Variants in KLHDC9 observed in about 807,000 individuals in gnomAD.
The protein encoded by KLHDC9 is kelch domain-containing protein 9.
Under a neutral mutation model 31.5 loss-of-function variants are expected in KLHDC9, and 26 were observed. That is an observed-to-expected ratio of 0.83 (90% CI 0.61 to 1.15). The LOEUF is 1.15. Among genes scored for constraint, KLHDC9 ranks in the 50% most tolerant of loss-of-function variants. The probability of loss-of-function intolerance (pLI) is 0.00; values close to 1 mark genes in which losing one functional copy is unlikely to be tolerated. For synonymous variants in KLHDC9, 176 were observed against 184.7 expected, an observed-to-expected ratio of 0.95 and a Z score of 0.38; for missense variants, 437 against 467.7, an observed-to-expected ratio of 0.93 and a Z score of 0.61.
At position 161,099,624 on chromosome 1, in the gene KLHDC9, G is replaced by A; in HGVS notation, c.714G>A (p.Leu238=). The change falls in exon 3 of 4, where the codon TTG becomes TTA. Residue 238 remains leucine, a synonymous_variant. Coordinates refer to ENST00000368011, the MANE Select transcript of KLHDC9 (RefSeq NM_152366.5). ...AGGAACCACCTGTTGCTCCTCATTT[G>A]ATGGAACAGCTTGCAAGGCTTGTGA... ...IKEEPPVAPH[L]MEQLARLVSS... The A allele has an allele frequency of 6.2e-7, 1 of 1,614,230 alleles. No individual in the cohort carries two copies. Among genetic ancestry groups the A allele is most frequent in the Non-Finnish European group, 8.5e-7 (1 of 1,180,046 alleles).
rs1266110657 is a variant in KLHDC9 at position 161,100,222 on chromosome 1, T to C, written c.1048T>C (p.Ter350GlnextTer?). The C allele has an allele frequency of 2.5e-6, 4 of 1,613,932 alleles. No homozygotes were observed. The African/African-American group carries it at 5.3e-5, about 22-fold the overall frequency. ...ACAGGTTTGCATCCTGGACTTTATC[T>C]AAATAGTGCCAAGACACATCACTAA... ...SPQVCILDFI[*>Q] Residue 350 changes from the stop codon to glutamine, a stop_lost, in exon 4 of 4, where the codon TAA (stop) becomes CAA (glutamine). Transcript: ENST00000368011.
chr1:161,099,405 A>G lies in KLHDC9; in HGVS notation c.587A>G (p.Gln196Arg), dbSNP rs753690320. The change falls in exon 2 of 4, where the codon CAA becomes CGA. Residue 196 changes from glutamine (Q) to arginine (R), a missense_variant. Physicochemically the swap from Gln to Arg is conservative, Grantham distance 43. Coordinates refer to ENST00000368011, the MANE Select transcript of KLHDC9 (RefSeq NM_152366.5). ...SRSGHCAALL[Q>R]TPGPHPGHQL... Reference sequence around the variant, plus strand: ...TCAGGTCACTGTGCGGCCCTGCTCCAAACTCCTGGACCCCATCCAGGTCAT... The same window carrying G: ...TCAGGTCACTGTGCGGCCCTGCTCCGAACTCCTGGACCCCATCCAGGTCAT... 6.8e-6 allele frequency: 11 copies of G among 1,614,122 alleles called. No individual in the cohort carries two copies. Among genetic ancestry groups the G allele is most frequent in the Non-Finnish European group, 9.3e-6 (11 of 1,180,044 alleles).
At chr1:161,099,243 A>T in intron 1 of KLHDC9, 103 bp from the exon 2 acceptor site, 1 of 1,410,752 alleles carries the variant, frequency 7.1e-7, no homozygotes, top group Non-Finnish European at 1.0e-6. Context: ...TATCCCACCT[A>T]CCGCACTGCC....
rs1458713996 is a variant in KLHDC9 at position 161,099,143 on chromosome 1, T to C, written c.527+81T>C. The C allele has an allele frequency of 4.1e-6, 6 of 1,457,452 alleles. No homozygotes were observed. In the East Asian group the frequency reaches 7.3e-5, roughly 18 times the overall value. 90.3% of individuals were successfully genotyped at this position (1,457,452 alleles called of 1,614,324 possible). A position where few individuals can be genotyped will look rare whatever the true frequency, so the allele number is the denominator to read the frequency against. On this transcript the variant is annotated intron_variant, in intron 1 of 3. Coordinates refer to ENST00000368011, the MANE Select transcript of KLHDC9 (RefSeq NM_152366.5). ...AAGCCTAAGCAGATTTCTCAGGCAA[T>C]TTATCCACCTCCTCACTCTAGCACC...
intron 3 of KLHDC9, 90 bp downstream of exon 3, chr1:161,099,886 G>A: frequency 7.1e-7 from 1 of 1,403,024 alleles, no homozygotes; most frequent in Non-Finnish European, 1.0e-6. Context: ...GATGGGGTAG[G>A]GAGGAGGAAA....
chr1:161,099,710 T>C lies in KLHDC9; in HGVS notation c.800T>C (p.Val267Ala). 1 of 1,614,072 alleles carries C rather than the reference T, an allele frequency of 6.2e-7. No individual in the cohort carries two copies. Among genetic ancestry groups the C allele is most frequent in the Non-Finnish European group, 8.5e-7 (1 of 1,180,014 alleles). ...CTACGGCATCACTCATGTTCTGTGG[T>C]CGGGCCCTTTGCTGTGCTGTTTGGT... is the stretch of plus-strand genomic sequence containing the variant. ...HGLRHHSCSV[V>A]GPFAVLFGGE... is the part of the protein sequence containing the mutation. The change falls in exon 3 of 4, where the codon GTC becomes GCC. Residue 267 changes from valine (V) to alanine (A), a missense_variant. Coordinates refer to ENST00000368011, the MANE Select transcript of KLHDC9 (RefSeq NM_152366.5).
chr1:161,098,918 C>A lies in KLHDC9; in HGVS notation c.383C>A (p.Pro128His). 2 of 1,570,288 alleles carry A rather than the reference C, an allele frequency of 1.3e-6. No individual in the cohort carries two copies. The change falls in exon 1 of 4, where the codon CCC becomes CAC. Residue 128 changes from proline to histidine, a missense_variant. Pro to His is a moderately conservative substitution (Grantham distance 77, BLOSUM62 -2). Transcript: ENST00000368011. The surrounding 1 kb of genome is among the most constrained non-coding windows in gnomAD (Gnocchi z 6.3). ...TGGACAGGGACCCCTGGTGACTGCC[C>A]CCCCGCCGGCCTCAGTAGTCACACC... ...EAWTGTPGDC[P>H]PAGLSSHTCT... is the part of the protein sequence containing the mutation.
At chr1:161,099,188 C>T in intron 1 of KLHDC9, 126 bp downstream of exon 1, 1 of 1,320,044 alleles carries the variant, frequency 7.6e-7, no homozygotes, top group Non-Finnish European at 1.1e-6. Context: ...GGGGAACCTA[C>T]CATGTTTAAG....
Position 161,098,946 on chromosome 1 carries a change from C to A in KLHDC9, c.411C>A (p.Cys137Ter). The change falls in exon 1 of 4, where the codon TGC becomes TGA. Residue 137 changes from cysteine to a stop codon, truncating the protein, a stop_gained. Coordinates refer to ENST00000368011, the MANE Select transcript of KLHDC9 (RefSeq NM_152366.5). LOFTEE classifies it high-confidence loss of function. This position sits in a 1 kb window ranked among gnomAD's most constrained non-coding sequence, Gnocchi z 6.3. ...CCGCCGGCCTCAGTAGTCACACCTGCACCCGAATCTCTGACCGAGAGCTGC... is the reference window on the plus strand; with the variant it reads ...CCGCCGGCCTCAGTAGTCACACCTGAACCCGAATCTCTGACCGAGAGCTGC... ...CPPAGLSSHT[C>*]TRISDRELQV... The A allele has an allele frequency of 6.3e-7, 1 of 1,586,422 alleles. No homozygotes were observed.
At position 161,098,570 on chromosome 1, in the gene KLHDC9, G is replaced by T. The variant is rs1654414172; in HGVS notation, c.35G>T (p.Gly12Val). 6.4e-7 allele frequency: 1 copy of T among 1,568,478 alleles called. No homozygotes were observed. The highest frequency in any genetic ancestry group is 1.4e-5 in the African/African-American group (1 of 73,620). Residue 12 changes from glycine to valine, a missense_variant, in exon 1 of 4, where the codon GGC becomes GTC. Physicochemically the swap from Gly to Val is moderately radical, Grantham distance 109 (BLOSUM62 -3). Coordinates refer to ENST00000368011, the MANE Select transcript of KLHDC9 (RefSeq NM_152366.5). This position sits in a 1 kb window ranked among gnomAD's most constrained non-coding sequence, Gnocchi z 6.3. ...GCCGTGCCCCCGGGTCGGGCCGCAG[G>T]CTCAGGCTGGGCCTGGAGGCCAGTG... ...AVAVPPGRAA[G>V]SGWAWRPVAR...
In KLHDC9 at chr1:161,100,179, T is replaced by C. The variant is rs757377739; in HGVS notation, c.1005T>C (p.Asp335=). 4 of 1,614,232 alleles carry C rather than the reference T, an allele frequency of 2.5e-6. No homozygotes were observed. The highest frequency in any genetic ancestry group is 2.2e-5 in the South Asian group (2 of 91,086). The change falls in exon 4 of 4, where the codon GAT becomes GAC. Residue 335 remains aspartate (D), a synonymous_variant. Transcript: ENST00000368011. ...QLYLVGGFGE[D]GRTASPQVCI... is the part of the protein sequence containing the mutation. ...ACCTGGTTGGGGGTTTTGGTGAGGA[T>C]GGCAGGACAGCCAGTCCACAGGTTT...
rs1177456636 is a variant in KLHDC9, at chr1:161,098,921, C to G, written c.386C>G (p.Pro129Arg). ...ACAGGGACCCCTGGTGACTGCCCCC[C>G]CGCCGGCCTCAGTAGTCACACCTGC... is the stretch of plus-strand genomic sequence containing the variant. Reference protein sequence around the residue: ...AWTGTPGDCPPAGLSSHTCTR... With the variant: ...AWTGTPGDCPRAGLSSHTCTR... Residue 129 changes from proline (P) to arginine (R), a missense_variant, in exon 1 of 4, where the codon CCC (proline) becomes CGC (arginine). By Grantham distance (103) the Pro-to-Arg change is moderately radical (BLOSUM62 -2). Transcript: ENST00000368011. The surrounding 1 kb of genome is among the most constrained non-coding windows in gnomAD (Gnocchi z 6.3). 1.3e-6 allele frequency: 2 copies of G among 1,572,134 alleles called. No homozygotes were observed. The highest frequency in any genetic ancestry group is 8.6e-7 in the Non-Finnish European group (1 of 1,162,720).
In KLHDC9 at chr1:161,098,627, A is replaced by G. The variant is rs781652725; in HGVS notation, c.92A>G (p.His31Arg). 3.7e-6 allele frequency: 6 copies of G among 1,610,088 alleles called. No individual in the cohort carries two copies. The South Asian group carries it at 6.6e-5, about 18-fold the overall frequency. Reference protein sequence around the residue: ...ARDALLARAFHSCTELRGRFY... With the variant: ...ARDALLARAFRSCTELRGRFY... ...GACGCGCTTTTGGCTAGAGCTTTCCATTCATGCACCGAACTGCGGGGACGG... is the reference window on the plus strand; with the variant it reads ...GACGCGCTTTTGGCTAGAGCTTTCCGTTCATGCACCGAACTGCGGGGACGG... The change falls in exon 1 of 4, where the codon CAT becomes CGT. Residue 31 changes from histidine (H) to arginine (R), a missense_variant. His to Arg is a conservative substitution (Grantham distance 29, BLOSUM62 0). Transcript: ENST00000368011. The surrounding 1 kb of genome is among the most constrained non-coding windows in gnomAD (Gnocchi z 6.3).
Position 161,098,835 on chromosome 1 carries a change from G to A in KLHDC9, c.300G>A (p.Gly100=). 6.3e-7 allele frequency: 1 copy of A among 1,578,624 alleles called. No homozygotes were observed. The highest frequency in any genetic ancestry group is 8.6e-7 in the Non-Finnish European group (1 of 1,162,356). The stretch of plus-strand genomic sequence containing the variant: ...TCTGCGTGGTGGGCGGCTGGGACGG[G>A]TCTCGCCGCTTGGCCACAGTGACCG... ...RWLCVVGGWD[G]SRRLATVTAL... The change falls in exon 1 of 4, where the codon GGG becomes GGA. Residue 100 remains glycine (G), a synonymous_variant. Coordinates refer to ENST00000368011, the MANE Select transcript of KLHDC9 (RefSeq NM_152366.5). This position sits in a 1 kb window ranked among gnomAD's most constrained non-coding sequence, Gnocchi z 6.3.
chr1:161,099,698 C>G lies in KLHDC9; in HGVS notation c.788C>G (p.Ser263Ter). 1 of 1,614,172 alleles carries G rather than the reference C, an allele frequency of 6.2e-7. No individual in the cohort carries two copies. Among genetic ancestry groups the G allele is most frequent in the Non-Finnish European group, 8.5e-7 (1 of 1,180,040 alleles). Residue 263 changes from serine (S) to a stop codon, truncating the protein, a stop_gained, in exon 3 of 4, where the codon TCA becomes TGA. Coordinates refer to ENST00000368011, the MANE Select transcript of KLHDC9 (RefSeq NM_152366.5). LOFTEE classifies it high-confidence loss of function. The stretch of plus-strand genomic sequence containing the variant: ...GGGCCCCATGGACTACGGCATCACT[C>G]ATGTTCTGTGGTCGGGCCCTTTGCT... ...QKGPHGLRHH[S>*]CSVVGPFAVL...
Position 161,100,336 on chromosome 1 carries a change from C to A in KLHDC9, c.*112C>A. ...CTTCAAATGCTTATTAAATTTCAATCTGAGACTCAAGATTTGTCTCTGAAA... is the reference window on the plus strand; with the variant it reads ...CTTCAAATGCTTATTAAATTTCAATATGAGACTCAAGATTTGTCTCTGAAA... On this transcript the variant is annotated 3_prime_UTR_variant, in exon 4 of 4. Transcript: ENST00000368011. The A allele has an allele frequency of 8.5e-7, 1 of 1,183,080 alleles. No individual in the cohort carries two copies. The highest frequency in any genetic ancestry group is 1.2e-6 in the Non-Finnish European group (1 of 840,820). The allele number at this position is 1,183,080 out of a possible 1,614,324, so 73.3% of individuals were successfully genotyped here.
Position 161,099,808 on chromosome 1 carries a change from A to C in KLHDC9, c.886+12A>C. ...CATCTATGATACTCGTGAGAGCCAG[A>C]CTAATGGCTGAAGGGGGGGAAGGTG... On this transcript the variant is annotated intron_variant, in intron 3 of 3. Transcript: ENST00000368011. 1 of 1,601,876 alleles carries C rather than the reference A, an allele frequency of 6.2e-7. No homozygotes were observed. Among genetic ancestry groups the C allele is most frequent in the Non-Finnish European group, 8.6e-7 (1 of 1,169,136 alleles).
In KLHDC9 at chr1:161,098,646, G is replaced by A; in HGVS notation, c.111G>A (p.Arg37=). The A allele has an allele frequency of 1.2e-6, 2 of 1,612,676 alleles. No homozygotes were observed. The highest frequency in any genetic ancestry group is 1.7e-6 in the Non-Finnish European group (2 of 1,179,288). Residue 37 remains arginine (R), a synonymous_variant, in exon 1 of 4, where the codon CGG becomes CGA. Transcript: ENST00000368011. This position sits in a 1 kb window ranked among gnomAD's most constrained non-coding sequence, Gnocchi z 6.3. ...ARAFHSCTEL[R]GRFYLVGGLL... is the part of the protein sequence containing the mutation. Reference sequence around the variant, plus strand: ...CTTTCCATTCATGCACCGAACTGCGGGGACGGTTCTATCTCGTAGGTGGTC... The same window carrying A: ...CTTTCCATTCATGCACCGAACTGCGAGGACGGTTCTATCTCGTAGGTGGTC...
At chr1:161,099,526 T>C (rs1433126901) in intron 2 of KLHDC9, 21 bp downstream of exon 2, 2 of 1,614,152 alleles carry the variant, frequency 1.2e-6, no homozygotes, top group South Asian at 2.2e-5. Context: ...CTCACACATC[T>C]TGTTTAGGAT....
Sources: allele counts gnomAD v4.1 joint callset, GRCh38; gene constraint gnomAD v4.1.1; non-coding constraint Gnocchi (gnomAD v3.1); transcripts MANE v1.5; gene names NCBI Gene and HGNC (gene_info 2026-07-23, HGNC 2026-07-21).